TMEM108: variants seen among roughly 807,000 people sequenced by gnomAD.
TMEM108 encodes transmembrane protein 108, also known as cancer/testis antigen 124.
In TMEM108, 12 loss-of-function variants were observed where a neutral mutation model predicts 35.1. The observed-to-expected ratio is 0.34, with a 90% CI of 0.22 to 0.55. TMEM108 has a LOEUF of 0.55. TMEM108 is among the 20% of genes least tolerant of loss of function. The pLI is 0.89. For synonymous variants in TMEM108, 287 were observed against 308.6 expected (o/e 0.93, Z 0.73); for missense variants, 680 against 753.3 (o/e 0.90, Z 1.14).
intron 3 of TMEM108, among the ~76,000 whole-genome samples, chr3:133,256,383 G>A (rs1946546436): frequency 6.6e-6 from 1 of 152,194 alleles, no homozygotes; most frequent in African/African-American, 2.4e-5. Flanking sequence ...TTAAATATAA[G>A]AAGGAATAGC....
intron 3 of TMEM108, among the ~76,000 whole-genome samples, chr3:133,334,487 C>A (rs77482251): frequency 0.02 from 3,119 of 152,184 alleles, 43 homozygotes; most frequent in Non-Finnish European, 0.031. Flanking sequence ...GTAGCCAGAG[C>A]AAGACATGGA....
intron 3 of TMEM108, among the ~76,000 whole-genome samples, chr3:133,379,537 C>A (rs976902128): frequency 1.3e-5 from 2 of 152,116 alleles, no homozygotes; most frequent in Non-Finnish European, 2.9e-5. Context: ...TGGTGCTGGT[C>A]TCTCTTTCCA....
intron 3 of TMEM108, among the ~76,000 whole-genome samples, chr3:133,356,082 CT>C (rs1028499162): frequency 3.9e-5 from 6 of 151,984 alleles, no homozygotes; most frequent in Admixed American, 3.9e-4. Context: ...ACCCTAAAGA[CT>C]TATCCAAAAG....
intron 2 of TMEM108, among the ~76,000 whole-genome samples, chr3:133,112,891 T>A (rs1159191194): frequency 6.6e-6 from 1 of 152,196 alleles, no homozygotes; most frequent in Non-Finnish European, 1.5e-5. Context: ...CCACAGGATT[T>A]ATGGTTAAAA....
chr3:133,038,721 C>T (rs930386864), intron 1 of TMEM108, among the ~76,000 whole-genome samples: 1 of 152,230 alleles, frequency 6.6e-6, no homozygotes, highest in African/African-American at 2.4e-5. Flanking sequence ...CATGAACCCC[C>T]TCCCCAGGTG....
chr3:133,241,609 C>CTTTTTTT (rs71136458), intron 3 of TMEM108, among the ~76,000 whole-genome samples: 5 of 76,264 alleles, frequency 6.6e-5, no homozygotes, highest in Non-Finnish European at 9.6e-5. Context: ...TTTCCTGTGG[C>CTTTTTTT]TTTTTTTTTT....
At chr3:133,274,935 CT>C (rs57920417) in intron 3 of TMEM108, among the ~76,000 whole-genome samples, 50,860 of 152,082 alleles carry the variant, frequency 0.33, 8,947 homozygotes, top group East Asian at 0.48. Context: ...GTCCACTGCT[CT>C]TAGATCTGCT....
At chr3:133,317,268 T>TA (rs1193981748) in intron 3 of TMEM108, among the ~76,000 whole-genome samples, 1 of 152,002 alleles carries the variant, frequency 6.6e-6, no homozygotes, top group Non-Finnish European at 1.5e-5. Flanking sequence ...TGATGGCCTT[T>TA]AAAAAAAACT....
In TMEM108 at chr3:133,380,418, C is replaced by T; in HGVS notation, c.707C>T (p.Thr236Ile). ...GTGGAACCGGAGCCCTCTACCCTCA[C>T]CCCCAGGACCCCACTCTGGGGCTAC... ...GSVEPEPSTL[T>I]PRTPLWGYSS... is the part of the protein sequence containing the mutation. Residue 236 changes from threonine (T) to isoleucine (I), a missense_variant, in exon 4 of 6, where the codon ACC (threonine) becomes ATC (isoleucine). Coordinates refer to ENST00000321871, the MANE Select transcript of TMEM108 (RefSeq NM_023943.4). This position sits in a 1 kb window ranked among gnomAD's most constrained non-coding sequence, Gnocchi z 5.3. The T allele has an allele frequency of 6.2e-7, 1 of 1,613,366 alleles. No individual in the cohort carries two copies. The highest frequency in any genetic ancestry group is 8.5e-7 in the Non-Finnish European group (1 of 1,179,488).
At chr3:133,109,299 TA>T (rs1053997827) in intron 2 of TMEM108, among the ~76,000 whole-genome samples, 4 of 152,162 alleles carry the variant, frequency 2.6e-5, no homozygotes, top group African/African-American at 9.7e-5. Flanking sequence ...CAATACTCTA[TA>T]ACTTGTGATT....
intron 2 of TMEM108, among the ~76,000 whole-genome samples, chr3:133,164,219 A>G (rs1211749152): frequency 1.3e-5 from 2 of 152,202 alleles, no homozygotes; most frequent in Non-Finnish European, 2.9e-5. Flanking sequence ...TATTAATCTC[A>G]GCAGACAAGA....
intron 5 of TMEM108, among the ~76,000 whole-genome samples, chr3:133,393,573 A>G (rs1042957512): frequency 1.3e-5 from 2 of 152,246 alleles, no homozygotes; most frequent in African/African-American, 2.4e-5. Context: ...ATTTTTAAGC[A>G]GAGGACAAAC....
At chr3:133,290,107 T>C (rs1317901239) in intron 3 of TMEM108, among the ~76,000 whole-genome samples, 2 of 148,774 alleles carry the variant, frequency 1.3e-5, no homozygotes, top group Admixed American at 6.9e-5. Flanking sequence ...TCCTATTAGA[T>C]TGTGGTAAGT....
intron 2 of TMEM108, among the ~76,000 whole-genome samples, chr3:133,101,309 TTCA>T (rs1317807725): frequency 1.3e-5 from 2 of 152,220 alleles, no homozygotes; most frequent in African/African-American, 4.8e-5. Flanking sequence ...TGATGTTCCC[TTCA>T]TCACCCCTGC....
chr3:133,143,982 T>TGC (rs1559846386), intron 2 of TMEM108, among the ~76,000 whole-genome samples: 2 of 137,656 alleles, frequency 1.5e-5, no homozygotes, highest in African/African-American at 2.7e-5. Flanking sequence ...TTTTATTTTA[T>TGC]TTTGCTTTGC....
At chr3:133,072,447 T>C (rs1315583334) in intron 2 of TMEM108, among the ~76,000 whole-genome samples, 1 of 151,918 alleles carries the variant, frequency 6.6e-6, no homozygotes, top group Non-Finnish European at 1.5e-5. Flanking sequence ...ATAAAATTAT[T>C]AAGGATAATA....
chr3:133,079,765 G>A (rs1339039393), intron 2 of TMEM108, among the ~76,000 whole-genome samples: 1 of 152,188 alleles, frequency 6.6e-6, no homozygotes, highest in Non-Finnish European at 1.5e-5. Context: ...TGAAATGAAT[G>A]ACAGATGGGA....
intron 2 of TMEM108, among the ~76,000 whole-genome samples, chr3:133,163,615 T>C (rs182785346): frequency 2.2e-4 from 34 of 152,250 alleles, no homozygotes; most frequent in African/African-American, 7.7e-4. Context: ...CTCACACTCA[T>C]TCCTCTAACC....
intron 2 of TMEM108, among the ~76,000 whole-genome samples, chr3:133,202,703 G>A (rs1490861492): frequency 3.3e-5 from 5 of 152,248 alleles, no homozygotes; most frequent in South Asian, 4.2e-4. Context: ...TAGCCTTGTA[G>A]TATAGTTTGA....
Sources: gnomAD v4.1 joint callset for allele counts (sites outside exome capture counted in the v4.1 genomes callset) on GRCh38, gnomAD v4.1.1 for gene constraint, Gnocchi (gnomAD v3.1) non-coding constraint, MANE v1.5 for transcripts, NCBI Gene and HGNC (gene_info 2026-07-23, HGNC 2026-07-21) for gene names.